The following NAV2 variants were observed in gnomAD, a reference collection of about 807,000 sequenced individuals.
NAV2 encodes the protein helicase, APC down-regulated 1.
NAV2 carries 54 observed loss-of-function variants against 223.2 expected under a neutral mutation model. The observed-to-expected ratio is 0.24, with a 90% CI of 0.19 to 0.30. NAV2 has a LOEUF of 0.30. NAV2 is among the 10% of genes least tolerant of loss of function. NAV2 has a pLI of 1.00. For missense variants in NAV2, 2,806 were observed against 3,147.5 expected, an observed-to-expected ratio of 0.89 and a Z score of 2.60; for synonymous variants, 1,279 against 1,239.3, an observed-to-expected ratio of 1.03 and a Z score of -0.67.
intron 1 of NAV2, among the ~76,000 whole-genome samples, chr11:19,725,558 T>C (rs1245961115): frequency 6.6e-6 from 1 of 152,222 alleles, no homozygotes; most frequent in African/African-American, 2.4e-5. Flanking sequence ...CTAGAGACGG[T>C]CACCAGGAAT....
intron 1 of NAV2, among the ~76,000 whole-genome samples, chr11:19,611,603 T>C (rs1253466593): frequency 3.9e-5 from 6 of 152,296 alleles, no homozygotes; most frequent in South Asian, 2.1e-4. Context: ...CAAAATCCAG[T>C]GGGGCAGTCA....
chr11:19,628,213 G>A (rs2047229268), intron 1 of NAV2, among the ~76,000 whole-genome samples: 1 of 152,218 alleles, frequency 6.6e-6, no homozygotes, highest in Non-Finnish European at 1.5e-5. Flanking sequence ...AGTTGGACTT[G>A]TCCGGTGGGA....
intron 1 of NAV2, among the ~76,000 whole-genome samples, chr11:19,450,635 C>T (rs1263970736): frequency 1.3e-5 from 2 of 152,202 alleles, no homozygotes; most frequent in Non-Finnish European, 2.9e-5. Context: ...TATAGTTTCA[C>T]TTTGACTTTT....
chr11:19,643,514 A>G (rs1297527941), intron 1 of NAV2, among the ~76,000 whole-genome samples: 5 of 152,092 alleles, frequency 3.3e-5, no homozygotes, highest in Non-Finnish European at 4.4e-5. Flanking sequence ...TTATGGCTGC[A>G]TAGTATTCCA....
At chr11:19,647,740 C>T (rs1018951501) in intron 1 of NAV2, among the ~76,000 whole-genome samples, 2 of 152,122 alleles carry the variant, frequency 1.3e-5, no homozygotes, top group African/African-American at 4.8e-5. Context: ...AGGCTTCTGA[C>T]CCACACTTTT....
intron 3 of NAV2, among the ~76,000 whole-genome samples, chr11:19,860,413 T>G (rs1438582573): frequency 6.9e-6 from 1 of 144,354 alleles, no homozygotes; most frequent in East Asian, 2.1e-4. Flanking sequence ...GCAGAGGCGC[T>G]CCCCACATCT....
At chr11:20,118,043 G>A (rs1487922626) in intron 37 of NAV2, 90 bp from the exon 38 acceptor site, 3 of 1,476,956 alleles carry the variant, frequency 2.0e-6, no homozygotes, top group Non-Finnish European at 2.8e-6. Flanking sequence ...TCCCAGGTGA[G>A]TCTGGAGGAG....
rs1332293861 is a variant in NAV2 at position 20,120,645 on chromosome 11, A to G, written c.*2387A>G. The G allele has an allele frequency of 3.1e-5, 4 of 128,476 alleles. No homozygotes were observed. The highest frequency in any genetic ancestry group is 1.4e-4 in the African/African-American group (4 of 28,328). 8.0% of individuals were successfully genotyped at this position (128,476 alleles called of 1,614,324 possible). A position where few individuals can be genotyped will look rare whatever the true frequency, so the allele number is the denominator to read the frequency against. The stretch of plus-strand genomic sequence containing the variant: ...GTCATTCTCTTCTCCCCTTTCCCAC[A>G]GACTTCCCTCCTGGGTCCAGGTTCA... On this transcript the variant is annotated 3_prime_UTR_variant, in exon 38 of 38. Coordinates refer to ENST00000349880, the MANE Select transcript of NAV2 (RefSeq NM_145117.5).
At chr11:19,568,918 C>A (rs1314214864) in intron 1 of NAV2, among the ~76,000 whole-genome samples, 1 of 152,214 alleles carries the variant, frequency 6.6e-6, no homozygotes, top group Non-Finnish European at 1.5e-5. Context: ...TCCTACGCAT[C>A]TTCTATGTGA....
chr11:20,033,920 G>C (rs910998457), intron 11 of NAV2, among the ~76,000 whole-genome samples: 3 of 152,332 alleles, frequency 2.0e-5, no homozygotes, highest in Non-Finnish European at 2.9e-5. Flanking sequence ...CAGCAAGACT[G>C]TGGAAGACTG....
intron 1 of NAV2, among the ~76,000 whole-genome samples, chr11:19,527,809 G>A (rs558692007): frequency 6.6e-6 from 1 of 152,206 alleles, no homozygotes; most frequent in East Asian, 1.9e-4. Flanking sequence ...ATCTGGGGTG[G>A]TCCCTTCTGA....
intron 1 of NAV2, among the ~76,000 whole-genome samples, chr11:19,694,390 C>G (rs2049267744): frequency 2.0e-5 from 3 of 152,166 alleles, no homozygotes; most frequent in African/African-American, 7.2e-5. Flanking sequence ...GGCCTCCGAG[C>G]AAGCTCACAG....
In NAV2 at chr11:19,979,531, A is replaced by G. The variant is rs547409307; in HGVS notation, c.2646-4594A>G. 2.0e-5 allele frequency among the ~76,000 whole-genome samples: 3 copies of G among 152,198 alleles called. No individual in the cohort carries two copies. The South Asian group carries it at 6.2e-4, about 32-fold the overall frequency. On this transcript the variant is annotated intron_variant, in intron 10 of 37. Coordinates refer to ENST00000349880, the MANE Select transcript of NAV2 (RefSeq NM_145117.5). ...TAGATGGATCCTCTTTTGGCTGGCAAACTCCTCCGCACCCTTTAGGGCCAA... is the reference window on the plus strand; with the variant it reads ...TAGATGGATCCTCTTTTGGCTGGCAGACTCCTCCGCACCCTTTAGGGCCAA...
At chr11:20,077,711 A>G (rs2059850173) in intron 23 of NAV2, 76 bp downstream of exon 23, 1 of 1,186,696 alleles carries the variant, frequency 8.4e-7, no homozygotes, top group South Asian at 1.3e-5. Context: ...CTTTCATTTC[A>G]GATCATTGTG....
intron 18 of NAV2, among the ~76,000 whole-genome samples, chr11:20,055,473 G>A (rs2058307649): frequency 6.6e-6 from 1 of 152,186 alleles, no homozygotes; most frequent in African/African-American, 2.4e-5. Context: ...CATTCCAGAT[G>A]AGCCTGGGGA....
In NAV2 at chr11:19,978,430, A is replaced by T. The variant is rs534303296; in HGVS notation, c.2646-5695A>T. Among the ~76,000 whole-genome samples the T allele has an allele frequency of 1.1e-3, 175 of 152,288 alleles. 1 individual carries two copies. Among genetic ancestry groups the T allele is most frequent in the African/African-American group, 4.0e-3 (167 of 41,554 alleles). On this transcript the variant is annotated intron_variant, in intron 10 of 37. Transcript: ENST00000349880. ...CAGCCCCCATTAGTTTTTTCAATCT[A>T]ATGCAACAAAGTATGTGTTGATATA...
intron 1 of NAV2, among the ~76,000 whole-genome samples, chr11:19,685,467 G>A (rs1023041644): frequency 6.6e-6 from 1 of 152,106 alleles, no homozygotes; most frequent in African/African-American, 2.4e-5. Flanking sequence ...TGGCCGGGCT[G>A]AGGAGTCAAG....
chr11:19,879,838 A>G (rs755973783), intron 4 of NAV2, 31 bp from the exon 5 acceptor site: 1 of 1,613,584 alleles, frequency 6.2e-7, no homozygotes, highest in Non-Finnish European at 8.5e-7. Flanking sequence ...AGAGCTCCCC[A>G]TCTGACAAGA....
At chr11:19,790,814 G>T (rs1298227577) in intron 1 of NAV2, among the ~76,000 whole-genome samples, 1 of 152,084 alleles carries the variant, frequency 6.6e-6, no homozygotes, top group African/African-American at 2.4e-5. Context: ...GTTTGCAAAA[G>T]GGGGGAATAT....
Sources: gnomAD v4.1 joint callset for allele counts (sites outside exome capture counted in the v4.1 genomes callset) on GRCh38, gnomAD v4.1.1 for gene constraint, MANE v1.5 for transcripts, NCBI Gene and HGNC (gene_info 2026-07-23, HGNC 2026-07-21) for gene names.